The following TNRC6B variants were observed in gnomAD, a reference collection of about 807,000 sequenced individuals.
The protein encoded by TNRC6B is trinucleotide repeat-containing gene 6B protein.
In TNRC6B, 52 loss-of-function variants were observed where a neutral mutation model predicts 203.6. That is an observed-to-expected ratio of 0.26 (90% confidence interval 0.20 to 0.32). The LOEUF is 0.32. TNRC6B is among the 10% of genes least tolerant of loss of function. The pLI, the probability that TNRC6B is intolerant of heterozygous loss-of-function variation, is 1.00. For synonymous variants in TNRC6B, 838 were observed against 845.7 expected (o/e 0.99, Z 0.16); for missense variants, 1,923 against 2,286.2 (o/e 0.84, Z 3.24).
At chr22:40,290,906 C>T (rs975744874) in intron 12 of TNRC6B, among the ~76,000 whole-genome samples, 1 of 152,164 alleles carries the variant, frequency 6.6e-6, no homozygotes, top group African/African-American at 2.4e-5. Context: ...GACTTGGGTA[C>T]TACAGATCTC....
rs1393420363 is a variant in TNRC6B at position 40,132,948 on chromosome 22, A to ATAAAAAATAAAAAAT, written c.45+7086_45+7087insTAAAAAATAAAAAAT. Among the ~76,000 whole-genome samples the ATAAAAAATAAAAAAT allele has an allele frequency of 4.4e-5, 4 of 90,314 alleles. No homozygotes were observed. In the South Asian group the frequency reaches 1.4e-3, roughly 32 times the overall value. The allele number at this position is 90,314 out of a possible 152,430, so 59.2% of individuals were successfully genotyped here. On this transcript the variant is annotated intron_variant, in intron 3 of 23. Coordinates refer to the TNRC6B transcript ENST00000301923. ...GACAGAGCAAGACTCTGTCTCAAAA[A>ATAAAAAATAAAAAAT]AAAAAAAAAAAAAAAAAAAAAATAT...
At chr22:40,047,972 A>G (rs1237511452) in intron 1 of TNRC6B, among the ~76,000 whole-genome samples, 1 of 152,190 alleles carries the variant, frequency 6.6e-6, no homozygotes, top group Non-Finnish European at 1.5e-5. Context: ...TTTTAGTTTA[A>G]CAGGACAATA....
At chr22:40,263,336 G>A (rs1032600268) in intron 4 of TNRC6B, among the ~76,000 whole-genome samples, 2 of 152,166 alleles carry the variant, frequency 1.3e-5, no homozygotes, top group South Asian at 2.1e-4. Flanking sequence ...AAACCTCGTG[G>A]TGACACAGAC....
intron 1 of TNRC6B, among the ~76,000 whole-genome samples, chr22:40,180,246 A>C (rs1273418070): frequency 6.6e-6 from 1 of 152,156 alleles, no homozygotes; most frequent in Non-Finnish European, 1.5e-5. Context: ...TTTGCTTGTT[A>C]TATGATTCAT....
chr22:40,140,957 T>C (rs2068638833), intron 3 of TNRC6B, among the ~76,000 whole-genome samples: 1 of 152,142 alleles, frequency 6.6e-6, no homozygotes, highest in Non-Finnish European at 1.5e-5. Context: ...TATATTTTTA[T>C]ATTCTTTATT....
chr22:40,155,356 TCGGCTCA>T (rs1203628862), intron 3 of TNRC6B, among the ~76,000 whole-genome samples: 2 of 152,298 alleles, frequency 1.3e-5, no homozygotes, highest in Admixed American at 6.5e-5. Flanking sequence ...TGGCGTGATC[TCGGCTCA>T]CTGCCACCTC....
At chr22:40,290,671 C>T (rs1322051523) in intron 12 of TNRC6B, among the ~76,000 whole-genome samples, 2 of 152,120 alleles carry the variant, frequency 1.3e-5, no homozygotes, top group African/African-American at 4.8e-5. Flanking sequence ...ACTCCCCCAC[C>T]CCCCGACCCG....
intron 12 of TNRC6B, among the ~76,000 whole-genome samples, chr22:40,292,084 C>A (rs1322403703): frequency 6.6e-6 from 1 of 152,170 alleles, no homozygotes; most frequent in Non-Finnish European, 1.5e-5. Flanking sequence ...GTCCCAGCTG[C>A]TCAGGAGGCT....
At chr22:40,229,683 C>G (rs1194092736) in intron 1 of TNRC6B, among the ~76,000 whole-genome samples, 1 of 152,076 alleles carries the variant, frequency 6.6e-6, no homozygotes, top group Non-Finnish European at 1.5e-5. Context: ...TTGACATTTT[C>G]TAGAATTTTA....
chr22:40,129,594 G>A (rs2068523471), intron 3 of TNRC6B, among the ~76,000 whole-genome samples: 1 of 152,178 alleles, frequency 6.6e-6, no homozygotes. Flanking sequence ...ATGCTGCCAA[G>A]AATCAAGGAG....
In TNRC6B at chr22:40,335,500, A is replaced by G. The variant is rs1436017948; in HGVS notation, c.*12259A>G. 1 of 151,424 alleles carries G rather than the reference A, an allele frequency of 6.6e-6. No homozygotes were observed. Among genetic ancestry groups the G allele is most frequent in the African/African-American group, 2.4e-5 (1 of 41,298 alleles). The allele number at this position is 151,424 out of a possible 1,614,324, so 9.4% of individuals were successfully genotyped here. A position where few individuals can be genotyped will look rare whatever the true frequency, so the allele number is the denominator to read the frequency against. ...TTCAAAAAAAAAAAAAAAAGTATCA[A>G]AAACAAAAAAAACTAAAGGGTGGTG... On this transcript the variant is annotated 3_prime_UTR_variant, in exon 23 of 23. Coordinates refer to ENST00000454349, the MANE Select transcript of TNRC6B (RefSeq NM_001162501.2).
chr22:40,216,961 G>A (rs1285898192), intron 1 of TNRC6B, among the ~76,000 whole-genome samples: 1 of 152,010 alleles, frequency 6.6e-6, no homozygotes, highest in African/African-American at 2.4e-5. Context: ...TTGATACCAC[G>A]AACCCACAGC....
intron 1 of TNRC6B, among the ~76,000 whole-genome samples, chr22:40,208,801 C>CA (rs1375060420): frequency 6.6e-6 from 1 of 152,120 alleles, no homozygotes; most frequent in Non-Finnish European, 1.5e-5. Flanking sequence ...CATCTCCATC[C>CA]AAAAAGTAAT....
chr22:40,158,187 A>C (rs1358754505), intron 4 of TNRC6B, among the ~76,000 whole-genome samples: 3 of 151,830 alleles, frequency 2.0e-5, no homozygotes, highest in Non-Finnish European at 4.4e-5. Flanking sequence ...AAAAAATACA[A>C]AATTAGCCAG....
chr22:40,226,721 G>A (rs2069790836), intron 1 of TNRC6B, among the ~76,000 whole-genome samples: 2 of 152,090 alleles, frequency 1.3e-5, no homozygotes, highest in Admixed American at 6.6e-5. Context: ...CCTTGCCTGT[G>A]ATTAATGCTT....
At chr22:40,201,519 T>C in intron 1 of TNRC6B, among the ~76,000 whole-genome samples, 1 of 151,736 alleles carries the variant, frequency 6.6e-6, no homozygotes, top group East Asian at 1.9e-4. Flanking sequence ...CACTGCAGCC[T>C]CGACCTCCTG....
At chr22:40,049,500 T>G (rs2067727567) in intron 1 of TNRC6B, among the ~76,000 whole-genome samples, 1 of 152,190 alleles carries the variant, frequency 6.6e-6, no homozygotes, top group Non-Finnish European at 1.5e-5. Flanking sequence ...TCATAAGTGT[T>G]ATTTATGAGA....
intron 1 of TNRC6B, among the ~76,000 whole-genome samples, chr22:40,078,505 G>A (rs1357349343): frequency 6.6e-6 from 1 of 152,006 alleles, no homozygotes; most frequent in African/African-American, 2.4e-5. Context: ...GCCAGGAGAT[G>A]GAACGAGACC....
chr22:40,158,340 CAATAAATAAATAAATAAATAAATA>C (rs144615900), intron 4 of TNRC6B, among the ~76,000 whole-genome samples: 6 of 139,186 alleles, frequency 4.3e-5, no homozygotes, highest in Admixed American at 2.2e-4. Flanking sequence ...ACTCCATCTT[CAATAAATAAATAAATAAATAAATA>C]AATAAATAAA....
Sources: allele counts gnomAD v4.1 joint callset (sites outside exome capture counted in the v4.1 genomes callset), GRCh38; gene constraint gnomAD v4.1.1; transcripts MANE v1.5; gene names NCBI Gene and HGNC (gene_info 2026-07-23, HGNC 2026-07-21).